Variants in FLG2 observed in about 807,000 individuals in gnomAD.
FLG2 encodes the protein filaggrin-2.
FLG2 carries 7 observed loss-of-function variants against 3.9 expected under a neutral mutation model. The observed-to-expected ratio is 1.79, with a 90% confidence interval of 1.02 to 3.36. FLG2 has a LOEUF of 3.36. Ranked by LOEUF, FLG2 falls within the 30% of genes most tolerant of loss-of-function variation. The pLI, the probability that FLG2 is intolerant of heterozygous loss-of-function variation, is 0.00. For synonymous variants in FLG2, 1,031 were observed against 1,056.1 expected, an observed-to-expected ratio of 0.98 and a Z score of 0.46; for missense variants, 2,700 against 2,809.4, an observed-to-expected ratio of 0.96 and a Z score of 0.88.
In FLG2 at chr1:152,356,303, A is replaced by C. The variant is rs778701964; in HGVS notation, c.1483T>G (p.Cys495Gly). 1.2e-6 allele frequency: 2 copies of C among 1,605,782 alleles called. No homozygotes were observed. Among genetic ancestry groups the C allele is most frequent in the Non-Finnish European group, 8.5e-7 (1 of 1,177,062 alleles). Reference sequence around the variant, plus strand: ...GAGGACTGACCTGAGCCTGACCCACATTGTCCAAAGCCAGAGGACTGACCT... The same window carrying C: ...GAGGACTGACCTGAGCCTGACCCACCTTGTCCAAAGCCAGAGGACTGACCT... The part of the protein sequence containing the change: ...GSGQSSGFGQ[C>G]GSGSGQSSGF... Residue 495 changes from cysteine to glycine, a missense_variant, in exon 3 of 3, where the codon TGT becomes GGT. Cys to Gly is a radical substitution (Grantham distance 159). Coordinates refer to ENST00000388718, the MANE Select transcript of FLG2 (RefSeq NM_001014342.3).
chr1:152,351,556 C>G lies in FLG2; in HGVS notation c.6230G>C (p.Gly2077Ala), dbSNP rs145838203. 1.3e-4 allele frequency: 206 copies of G among 1,601,788 alleles called. No homozygotes were observed. The African/African-American group carries it at 1.5e-3, about 12-fold the overall frequency. Reference protein sequence around the residue: ...ERHGTTHGQTGDTTRHAHSGH... With the variant: ...ERHGTTHGQTADTTRHAHSGH... Reference sequence around the variant, plus strand: ...AGAGTGAGCATGTCTAGTGGTATCTCCTGTCTGTCCATGAGTAGTTCCGTG... The same window carrying G: ...AGAGTGAGCATGTCTAGTGGTATCTGCTGTCTGTCCATGAGTAGTTCCGTG... Residue 2077 changes from glycine (G) to alanine (A), a missense_variant, in exon 3 of 3, where the codon GGA becomes GCA. Coordinates refer to ENST00000388718, the MANE Select transcript of FLG2 (RefSeq NM_001014342.3).
In FLG2 at chr1:152,355,891, C is replaced by G; in HGVS notation, c.1895G>C (p.Gly632Ala). The G allele has an allele frequency of 6.2e-7, 1 of 1,611,170 alleles. No individual in the cohort carries two copies. Among genetic ancestry groups the G allele is most frequent in the Non-Finnish European group, 8.5e-7 (1 of 1,179,640 alleles). The change falls in exon 3 of 3, where the codon GGC becomes GCC. Residue 632 changes from glycine (G) to alanine (A), a missense_variant. Transcript: ENST00000388718. Reference protein sequence around the residue: ...SSGSSQSSGYGQHGSRQTSGF... With the variant: ...SSGSSQSSGYAQHGSRQTSGF... ...AGATGTCTGTCTAGACCCATGTTGG[C>G]CATAGCCAGATGACTGACTTGAGCC... is the stretch of plus-strand genomic sequence containing the variant.
Position 152,353,940 on chromosome 1 carries a change from T to G in FLG2, c.3846A>C (p.Ser1282=), listed in dbSNP as rs370393163. The G allele has an allele frequency of 2.2e-5, 36 of 1,614,206 alleles. No individual in the cohort carries two copies. The Middle Eastern group carries it at 8.2e-4, about 37-fold the overall frequency. The change falls in exon 3 of 3, where the codon TCA becomes TCC. Residue 1282 remains serine, a synonymous_variant. Transcript: ENST00000388718. ...GTTCTGAATGTCTGTGTGAGACCTT[T>G]GAGTGCACTTCACTGTCACTGTTCT... The part of the protein sequence containing the change: ...QSENSDSEVH[S]KVSHRHSEHI...
chr1:152,354,098 A>G lies in FLG2; in HGVS notation c.3688T>C (p.Ser1230Pro), dbSNP rs1654093382. 1 of 1,614,124 alleles carries G rather than the reference A, an allele frequency of 6.2e-7. No individual in the cohort carries two copies. The highest frequency in any genetic ancestry group is 8.5e-7 in the Non-Finnish European group (1 of 1,180,048). The change falls in exon 3 of 3, where the codon TCC becomes CCC. Residue 1230 changes from serine (S) to proline (P), a missense_variant. Ser to Pro is a moderately conservative substitution (Grantham distance 74). Transcript: ENST00000388718. ...QGESQQVESG[S>P]TVHGRQETTH... ...GTTTCCTGTCTCCCATGAACTGTGG[A>G]TCCTGACTCTACTTGTTGAGATTCA... is the stretch of plus-strand genomic sequence containing the variant.
In FLG2 at chr1:152,356,952, A is replaced by G. The variant is rs968564428; in HGVS notation, c.834T>C (p.His278=). 6.2e-7 allele frequency: 1 copy of G among 1,614,092 alleles called. No individual in the cohort carries two copies. Among genetic ancestry groups the G allele is most frequent in the Admixed American group, 1.7e-5 (1 of 59,990 alleles). Residue 278 remains histidine, a synonymous_variant, in exon 3 of 3, where the codon CAT becomes CAC. Transcript: ENST00000388718. ...CACTTGAATTGCTATAACCACATGC[A>G]TGACTTCGCCTCCCACTGTCTCCTG... ...SGSGDSGRRS[H]ACGYSNSSGC... is the part of the protein sequence containing the mutation.
At position 152,353,198 on chromosome 1, in the gene FLG2, C is replaced by T; in HGVS notation, c.4588G>A (p.Gly1530Arg). Residue 1530 changes from glycine (G) to arginine (R), a missense_variant, in exon 3 of 3, where the codon GGA becomes AGA. By Grantham distance (125) the Gly-to-Arg change is moderately radical. Transcript: ENST00000388718. ...HTHGQSGSQH[G>R]ESESIIHDRH... The stretch of plus-strand genomic sequence containing the variant: ...TCATGAATTATGGATTCTGACTCTC[C>T]ATGTTGAGATCCACTTTGGCCGTGA... 6.2e-6 allele frequency: 10 copies of T among 1,612,370 alleles called. No homozygotes were observed. Among genetic ancestry groups the T allele is most frequent in the Non-Finnish European group, 8.5e-6 (10 of 1,179,738 alleles).
Position 152,355,304 on chromosome 1 carries a change from C to A in FLG2, c.2482G>T (p.Gly828Ter), listed in dbSNP as rs773022729. ...TGCTGTCCAAAGCCAGAGGATTGTCCTGAGCCAGACCCATGTTGTCCAAAG... is the reference window on the plus strand; with the variant it reads ...TGCTGTCCAAAGCCAGAGGATTGTCATGAGCCAGACCCATGTTGTCCAAAG... ...AGFGQHGSGS[G>*]QSSGFGQHES... The change falls in exon 3 of 3, where the codon GGA becomes TGA. Residue 828 changes from glycine to a stop codon, truncating the protein, a stop_gained. Transcript: ENST00000388718. LOFTEE classifies it low-confidence loss of function (END_TRUNC). 4 of 1,613,892 alleles carry A rather than the reference C, an allele frequency of 2.5e-6. No individual in the cohort carries two copies. The highest frequency in any genetic ancestry group is 3.4e-6 in the Non-Finnish European group (4 of 1,179,916).
chr1:152,354,446 C>G lies in FLG2; in HGVS notation c.3340G>C (p.Gly1114Arg), dbSNP rs1226976637. 1.2e-6 allele frequency: 2 copies of G among 1,614,114 alleles called. No homozygotes were observed. The highest frequency in any genetic ancestry group is 1.7e-6 in the Non-Finnish European group (2 of 1,180,022). Residue 1114 changes from glycine to arginine, a missense_variant, in exon 3 of 3, where the codon GGC (glycine) becomes CGC (arginine). Coordinates refer to ENST00000388718, the MANE Select transcript of FLG2 (RefSeq NM_001014342.3). ...GAGCCCGATCCATATTGGCCAAAGC[C>G]AGAGGACTGACCTGAGCCTGGCCTG... ...QHRPGSGQSSGFGQYGSGSGQ... is the reference protein window; with the variant it reads ...QHRPGSGQSSRFGQYGSGSGQ...
chr1:152,352,892 G>T lies in FLG2; in HGVS notation c.4894C>A (p.His1632Asn). The change falls in exon 3 of 3, where the codon CAC (histidine) becomes AAC (asparagine). Residue 1632 changes from histidine to asparagine, a missense_variant. His to Asn is a moderately conservative substitution (Grantham distance 68). Transcript: ENST00000388718. ...GQIGDTTGHSHSGHGQSTQRG... is the reference protein window; with the variant it reads ...GQIGDTTGHSNSGHGQSTQRG... ...TGTGTGGACTGTCCATGACCAGAGT[G>T]GGAATGTCCAGTGGTATCTCCTATC... 6.2e-7 allele frequency: 1 copy of T among 1,612,468 alleles called. No individual in the cohort carries two copies. The highest frequency in any genetic ancestry group is 8.5e-7 in the Non-Finnish European group (1 of 1,179,656).
intron 2 of FLG2, 132 bp from the exon 3 acceptor site, chr1:152,357,779 A>G: frequency 1.5e-6 from 1 of 656,752 alleles, no homozygotes; most frequent in Non-Finnish European, 2.6e-6. Flanking sequence ...GGATTACTTT[A>G]GGTTAATAGA....
At position 152,356,646 on chromosome 1, in the gene FLG2, A is replaced by G; in HGVS notation, c.1140T>C (p.Cys380=). 1 of 1,614,228 alleles carries G rather than the reference A, an allele frequency of 6.2e-7. No individual in the cohort carries two copies. Among genetic ancestry groups the G allele is most frequent in the East Asian group, 2.2e-5 (1 of 44,888 alleles). The change falls in exon 3 of 3, where the codon TGT becomes TGC. Residue 380 remains cysteine (C), a synonymous_variant. Transcript: ENST00000388718. The part of the protein sequence containing the change: ...WRTGSSQSSC[C]GQYGSGGSQS... ...GGCTACCTCCAGACCCATATTGTCC[A>G]CAGCAAGAGGACTGACTTGAGCCTG...
chr1:152,352,962 C>T lies in FLG2; in HGVS notation c.4824G>A (p.Glu1608=). 2 of 1,612,086 alleles carry T rather than the reference C, an allele frequency of 1.2e-6. No individual in the cohort carries two copies. The highest frequency in any genetic ancestry group is 1.7e-6 in the Non-Finnish European group (2 of 1,179,758). ...TYGQAGSQHE[E]PEFTVHERHG... Reference sequence around the variant, plus strand: ...GTCTCTCATGAACTGTGAATTCTGGCTCTTCATGTTGAGATCCGGCTTGGC... The same window carrying T: ...GTCTCTCATGAACTGTGAATTCTGGTTCTTCATGTTGAGATCCGGCTTGGC... Residue 1608 remains glutamate, a synonymous_variant, in exon 3 of 3, where the codon GAG becomes GAA. Coordinates refer to ENST00000388718, the MANE Select transcript of FLG2 (RefSeq NM_001014342.3).
chr1:152,351,530 C>A lies in FLG2; in HGVS notation c.6256G>T (p.Gly2086Cys), dbSNP rs759850440. The A allele has an allele frequency of 1.2e-6, 2 of 1,611,630 alleles. No homozygotes were observed. The highest frequency in any genetic ancestry group is 1.7e-6 in the Non-Finnish European group (2 of 1,179,450). Reference sequence around the variant, plus strand: ...CCTCTCTGTGTGGACTGTCCATGACCAGAGTGAGCATGTCTAGTGGTATCT... The same window carrying A: ...CCTCTCTGTGTGGACTGTCCATGACAAGAGTGAGCATGTCTAGTGGTATCT... ...TGDTTRHAHS[G>C]HGQSTQRGSR... Residue 2086 changes from glycine (G) to cysteine (C), a missense_variant, in exon 3 of 3, where the codon GGT becomes TGT. By Grantham distance (159) the Gly-to-Cys change is radical. Transcript: ENST00000388718.
In FLG2 at chr1:152,352,729, G is replaced by C. The variant is rs770274998; in HGVS notation, c.5057C>G (p.Ser1686Cys). 1 of 1,613,394 alleles carries C rather than the reference G, an allele frequency of 6.2e-7. No individual in the cohort carries two copies. Among genetic ancestry groups the C allele is most frequent in the South Asian group, 1.1e-5 (1 of 91,030 alleles). The stretch of plus-strand genomic sequence containing the variant: ...AGTTCCATGTCTCTCAGGAACTATG[G>C]ATTCTGACTGTCCATGTTGAGATCC... ...QAGSQHGQSE[S>C]IVPERHGTTH... The change falls in exon 3 of 3, where the codon TCC becomes TGC. Residue 1686 changes from serine (S) to cysteine (C), a missense_variant. Ser to Cys is a moderately radical substitution (Grantham distance 112). Coordinates refer to ENST00000388718, the MANE Select transcript of FLG2 (RefSeq NM_001014342.3).
Position 152,355,843 on chromosome 1 carries a change from C to G in FLG2, c.1943G>C (p.Gly648Ala), listed in dbSNP as rs371035379. ...GCCAAAGCCAGTGGATTGACTTGAG[C>G]CTGACCCATGTTGTCCAAAGCCAGA... ...QTSGFGQHGS[G>A]SSQSTGFGQY... is the part of the protein sequence containing the mutation. The change falls in exon 3 of 3, where the codon GGC becomes GCC. Residue 648 changes from glycine (G) to alanine (A), a missense_variant. Transcript: ENST00000388718. 6.2e-7 allele frequency: 1 copy of G among 1,612,750 alleles called. No homozygotes were observed. Among genetic ancestry groups the G allele is most frequent in the Admixed American group, 1.7e-5 (1 of 59,920 alleles).
chr1:152,356,356 G>A lies in FLG2; in HGVS notation c.1430C>T (p.Ser477Phe). Reference protein sequence around the residue: ...DQHGSSSGKTSGFGQHGSGSG... With the variant: ...DQHGSSSGKTFGFGQHGSGSG... ...GCCAGACCCATGTTGTCCAAAGCCA[G>A]ATGTCTTACCTGAGCTAGACCCATG... The change falls in exon 3 of 3, where the codon TCT (serine) becomes TTT (phenylalanine). Residue 477 changes from serine to phenylalanine, a missense_variant. Ser to Phe is a radical substitution (Grantham distance 155). Coordinates refer to ENST00000388718, the MANE Select transcript of FLG2 (RefSeq NM_001014342.3). 3 of 1,614,218 alleles carry A rather than the reference G, an allele frequency of 1.9e-6. No homozygotes were observed. The highest frequency in any genetic ancestry group is 2.5e-6 in the Non-Finnish European group (3 of 1,180,048).
Position 152,352,102 on chromosome 1 carries a change from G to A in FLG2, c.5684C>T (p.Thr1895Ile), listed in dbSNP as rs1305913928. The change falls in exon 3 of 3, where the codon ACA becomes ATA. Residue 1895 changes from threonine (T) to isoleucine (I), a missense_variant. Coordinates refer to ENST00000388718, the MANE Select transcript of FLG2 (RefSeq NM_001014342.3). Reference protein sequence around the residue: ...DSEVHSGGSHTHSGHTHSQAR... With the variant: ...DSEVHSGGSHIHSGHTHSQAR... ...TTGGCTGTGTGTGTGTCCTGAATGT[G>A]TATGTGAGCCCCCTGAGTGCACTTC... The A allele has an allele frequency of 1.2e-6, 2 of 1,613,476 alleles. No homozygotes were observed. Among genetic ancestry groups the A allele is most frequent in the African/African-American group, 1.3e-5 (1 of 74,792 alleles).
In FLG2 at chr1:152,354,798, C is replaced by A. The variant is rs763291370; in HGVS notation, c.2988G>T (p.Gln996His). The A allele has an allele frequency of 6.2e-7, 1 of 1,613,346 alleles. No individual in the cohort carries two copies. The highest frequency in any genetic ancestry group is 8.5e-7 in the Non-Finnish European group (1 of 1,179,858). The stretch of plus-strand genomic sequence containing the variant: ...CAGAACCATGTTGGCCATAATTAGA[C>A]TGACTTGATCTAGACTCATGCTGTC... ...GFGQHESRSS[Q>H]SNYGQHGSGS... The change falls in exon 3 of 3, where the codon CAG (glutamine) becomes CAT (histidine). Residue 996 changes from glutamine (Q) to histidine (H), a missense_variant. Gln to His is a conservative substitution (Grantham distance 24). Coordinates refer to ENST00000388718, the MANE Select transcript of FLG2 (RefSeq NM_001014342.3).
rs150484407 is a variant in FLG2, at chr1:152,356,984, A to C, written c.802T>G (p.Ser268Ala). 1.8e-4 allele frequency: 290 copies of C among 1,614,166 alleles called. 2 individuals are homozygous for C. The African/African-American group carries it at 3.5e-3, about 20-fold the overall frequency. Residue 268 changes from serine to alanine, a missense_variant, in exon 3 of 3, where the codon TCA becomes GCA. Coordinates refer to ENST00000388718, the MANE Select transcript of FLG2 (RefSeq NM_001014342.3). Reference sequence around the variant, plus strand: ...CGCCTCCCACTGTCTCCTGAACCTGAACAGCTAGACCCAAGCTTTTGTTCT... The same window carrying C: ...CGCCTCCCACTGTCTCCTGAACCTGCACAGCTAGACCCAAGCTTTTGTTCT... ...IREQKLGSSC[S>A]GSGDSGRRSH...
Sources: gnomAD v4.1 joint callset for allele counts on GRCh38, gnomAD v4.1.1 for gene constraint, MANE v1.5 for transcripts, NCBI Gene and HGNC (gene_info 2026-07-23, HGNC 2026-07-21) for gene names.